The following KNL1 variants were observed in gnomAD, a reference collection of about 807,000 sequenced individuals.
KNL1 encodes the protein outer kinetochore KNL1 complex subunit KNL1.
A neutral mutation model predicts 201.3 loss-of-function variants in KNL1; 66 were observed. The ratio of observed to expected loss-of-function variants is 0.33; its 90% CI spans 0.27 to 0.40. The LOEUF is 0.40. Among genes scored for constraint, KNL1 ranks in the 10% least tolerant of loss-of-function variants. The pLI is 1.00. For synonymous variants in KNL1, 895 were observed against 899.2 expected (o/e 1.00, Z 0.08); for missense variants, 2,815 against 2,690.5 (o/e 1.05, Z -1.02).
At position 40,623,289 on chromosome 15, in the gene KNL1, G is replaced by A. The variant is rs1892611255; in HGVS notation, c.3025G>A (p.Val1009Ile). The change falls in exon 10 of 26, where the codon GTA becomes ATA. Residue 1009 changes from valine to isoleucine, a missense_variant. Val to Ile is a conservative substitution (Grantham distance 29, BLOSUM62 3). Around this residue, in one of 3 missense-constraint regions of KNL1, gnomAD observed 2,464 missense variants for 2,291.7 expected, o/e 1.08. Coordinates refer to ENST00000399668, the MANE Select transcript of KNL1 (RefSeq NM_144508.5). ...FPGNGESDRLVANDSQLTPLE... is the reference protein window; with the variant it reads ...FPGNGESDRLIANDSQLTPLE... ...AGGAAATGGTGAAAGTGACCGTCTA[G>A]TAGCAAATGACAGCCAGCTAACCCC... The A allele has an allele frequency of 6.2e-7, 1 of 1,613,806 alleles. No individual in the cohort carries two copies. The highest frequency in any genetic ancestry group is 1.1e-5 in the South Asian group (1 of 91,066).
intron 14 of KNL1, 56 bp from the exon 15 acceptor site, chr15:40,644,941 A>G: frequency 9.0e-7 from 1 of 1,111,814 alleles, no homozygotes; most frequent in Non-Finnish European, 1.3e-6. Context: ...TAGACACAGT[A>G]ACAGTCTGAT....
chr15:40,625,442 A>G lies in KNL1; in HGVS notation c.5178A>G (p.Ser1726=). The change falls in exon 10 of 26, where the codon TCA becomes TCG. Residue 1726 remains serine (S), a synonymous_variant. Transcript: ENST00000399668. ...LPVYPDEINS[S]DSINIETEEK... ...TATATCCTGATGAGATCAATTCTTC[A>G]GACTCTATTAACATAGAAACTGAGG... 6.2e-7 allele frequency: 1 copy of G among 1,614,036 alleles called. No individual in the cohort carries two copies. The highest frequency in any genetic ancestry group is 1.1e-5 in the South Asian group (1 of 91,060).
chr15:40,618,093 T>G (rs1049941610), intron 8 of KNL1, among the ~76,000 whole-genome samples: 1 of 150,608 alleles, frequency 6.6e-6, no homozygotes, highest in South Asian at 2.1e-4. Flanking sequence ...CTTTAAACTT[T>G]AAATGTAAGT....
chr15:40,631,869 T>C lies in KNL1; in HGVS notation c.5682+2498T>C, dbSNP rs559492957. Among the ~76,000 whole-genome samples, 20 of 151,912 alleles carry C rather than the reference T, an allele frequency of 1.3e-4. No individual in the cohort carries two copies. In the South Asian group the frequency reaches 4.2e-3, roughly 32 times the overall value. On this transcript the variant is annotated intron_variant, in intron 13 of 25. Transcript: ENST00000399668. ...ACAGAAAATTTTAAAATTAGCCAAGTGTAGTGGCCTGTGCCTGTGGTCCCA... is the reference window on the plus strand; with the variant it reads ...ACAGAAAATTTTAAAATTAGCCAAGCGTAGTGGCCTGTGCCTGTGGTCCCA...
At chr15:40,642,389 G>A (rs1316990158) in intron 14 of KNL1, among the ~76,000 whole-genome samples, 5 of 149,762 alleles carry the variant, frequency 3.3e-5, no homozygotes, top group South Asian at 2.1e-4. Flanking sequence ...GCCAAAGAGC[G>A]AGACTCTGTC....
At chr15:40,608,497 G>A (rs1892047881) in intron 4 of KNL1, among the ~76,000 whole-genome samples, 1 of 150,074 alleles carries the variant, frequency 6.7e-6, no homozygotes, top group African/African-American at 2.5e-5. Context: ...AATCCCAGCA[G>A]CACTTTGGGA....
At position 40,622,272 on chromosome 15, in the gene KNL1, C is replaced by T. The variant is rs1892564020; in HGVS notation, c.2008C>T (p.His670Tyr). 2.5e-6 allele frequency: 4 copies of T among 1,613,970 alleles called. No individual in the cohort carries two copies. Among genetic ancestry groups the T allele is most frequent in the Non-Finnish European group, 3.4e-6 (4 of 1,179,922 alleles). The change falls in exon 10 of 26, where the codon CAT becomes TAT. Residue 670 changes from histidine (H) to tyrosine (Y), a missense_variant. Coordinates refer to ENST00000399668, the MANE Select transcript of KNL1 (RefSeq NM_144508.5). The stretch of plus-strand genomic sequence containing the variant: ...TTGTAATCAGGAGATAGCAACAAGC[C>T]ATAATATAGTCTACTGTGGTGGAGT... Reference protein sequence around the residue: ...ADCNQEIATSHNIVYCGGVLD... With the variant: ...ADCNQEIATSYNIVYCGGVLD...
chr15:40,631,105 C>T (rs796494799), intron 13 of KNL1, among the ~76,000 whole-genome samples: 40 of 151,714 alleles, frequency 2.6e-4, no homozygotes, highest in African/African-American at 7.7e-4. Flanking sequence ...GCAACAGAGC[C>T]GGACCCTGTC....
In KNL1 at chr15:40,657,160, C is replaced by T. The variant is rs772190496; in HGVS notation, c.6594+9C>T. On this transcript the variant is annotated intron_variant, in intron 23 of 25. Transcript: ENST00000399668. Reference sequence around the variant, plus strand: ...AGCATCAGTTACCCAAGGTAAAGCCCGATTGAAGTATTTAAAGGAAAATTT... The same window carrying T: ...AGCATCAGTTACCCAAGGTAAAGCCTGATTGAAGTATTTAAAGGAAAATTT... The T allele has an allele frequency of 5.3e-6, 8 of 1,516,580 alleles. No individual in the cohort carries two copies. Among genetic ancestry groups the T allele is most frequent in the South Asian group, 2.4e-5 (2 of 83,446 alleles). The allele number at this position is 1,516,580 out of a possible 1,614,324, so 93.9% of individuals were successfully genotyped here.
At chr15:40,616,280 C>CA (rs1892343390) in intron 8 of KNL1, among the ~76,000 whole-genome samples, 1 of 151,626 alleles carries the variant, frequency 6.6e-6, no homozygotes, top group Non-Finnish European at 1.5e-5. Context: ...CCCACCACTA[C>CA]ACCCAGCTAA....
At chr15:40,646,900 G>T in intron 16 of KNL1, 87 bp from the exon 17 acceptor site, 29 of 550,866 alleles carry the variant, frequency 5.3e-5, no homozygotes, top group East Asian at 7.4e-5. Context: ...TTGTGATCAT[G>T]ATAGAGCGAT....
In KNL1 at chr15:40,659,430, T is replaced by C. The variant is rs755926995; in HGVS notation, c.6805T>C (p.Ser2269Pro). 6.2e-7 allele frequency: 1 copy of C among 1,613,826 alleles called. No individual in the cohort carries two copies. Among genetic ancestry groups the C allele is most frequent in the Admixed American group, 1.7e-5 (1 of 59,990 alleles). The part of the protein sequence containing the change: ...SAYYPSVPLP[S>P]TIQNHVGNTS... ...CTATTATCCATCTGTACCATTACCT[T>C]CCACCATTCAGAATCACGTTGGGAA... is the stretch of plus-strand genomic sequence containing the variant. The change falls in exon 25 of 26, where the codon TCC becomes CCC. Residue 2269 changes from serine to proline, a missense_variant. Physicochemically the swap from Ser to Pro is moderately conservative, Grantham distance 74. Around this residue, in one of 3 missense-constraint regions of KNL1, gnomAD observed 334 missense variants for 362.6 expected, o/e 0.92. Transcript: ENST00000399668.
Position 40,623,710 on chromosome 15 carries a change from G to A in KNL1, c.3446G>A (p.Arg1149Lys), listed in dbSNP as rs569011235. ...CTCCTGCCAAATGAAATAGCTATTA[G>A]GCCCATGGACAAAACCGTATTGTTC... ...KTLLPNEIAI[R>K]PMDKTVLFTD... Residue 1149 changes from arginine (R) to lysine (K), a missense_variant, in exon 10 of 26, where the codon AGG (arginine) becomes AAG (lysine). Transcript: ENST00000399668. 6.2e-7 allele frequency: 1 copy of A among 1,613,878 alleles called. No homozygotes were observed. Among genetic ancestry groups the A allele is most frequent in the African/African-American group, 1.3e-5 (1 of 74,996 alleles).
At chr15:40,661,998 C>A in intron 25 of KNL1, 76 bp from the exon 26 acceptor site, 2 of 776,770 alleles carry the variant, frequency 2.6e-6, no homozygotes, top group South Asian at 3.0e-5. Flanking sequence ...CGGATTGCGC[C>A]ACTGCACTCC....
chr15:40,629,559 A>C (rs1397887147), intron 13 of KNL1, among the ~76,000 whole-genome samples, 188 bp downstream of exon 13: 1 of 125,564 alleles, frequency 8.0e-6, no homozygotes, highest in African/African-American at 3.2e-5. Context: ...ACTGGAATGC[A>C]GTGGCGCCAT....
chr15:40,639,015 AC>A (rs1218299524), intron 13 of KNL1, among the ~76,000 whole-genome samples: 12 of 111,422 alleles, frequency 1.1e-4, no homozygotes, highest in Non-Finnish European at 2.3e-4. Context: ...CTGGTCACCA[AC>A]TCCCAAACTC....
At chr15:40,614,530 G>C (rs1265579138) in intron 7 of KNL1, among the ~76,000 whole-genome samples, 1 of 152,202 alleles carries the variant, frequency 6.6e-6, no homozygotes, top group East Asian at 1.9e-4. Context: ...ACCACACCCA[G>C]CCTATTCCCT....
chr15:40,648,795 C>T (rs1195349978), intron 17 of KNL1, among the ~76,000 whole-genome samples: 15 of 148,616 alleles, frequency 1.0e-4, no homozygotes, highest in Non-Finnish European at 1.9e-4. Context: ...AAACTTCTGT[C>T]TTTCCATTTA....
intron 1 of KNL1, among the ~76,000 whole-genome samples, chr15:40,598,098 C>G (rs896213896): frequency 9.3e-5 from 14 of 149,746 alleles, no homozygotes; most frequent in African/African-American, 3.4e-4. Context: ...CACTTGAACC[C>G]AGGATGGGGA....
Sources: allele counts gnomAD v4.1 joint callset (sites outside exome capture counted in the v4.1 genomes callset), GRCh38; gene constraint gnomAD v4.1.1; regional missense constraint gnomAD v4.1.1; transcripts MANE v1.5; gene names NCBI Gene and HGNC (gene_info 2026-07-23, HGNC 2026-07-21).